Variants in IGF2R observed in about 807,000 individuals in gnomAD.
The protein encoded by IGF2R is cation-independent mannose-6-phosphate receptor.
In IGF2R, 91 loss-of-function variants were observed where a neutral mutation model predicts 270.6. The ratio of observed to expected loss-of-function variants is 0.34; its 90% CI spans 0.28 to 0.40. The LOEUF is 0.40. IGF2R is among the 10% of genes least tolerant of loss of function. IGF2R has a pLI of 1.00. For missense variants in IGF2R, 2,805 were observed against 3,188.3 expected (o/e 0.88, Z 2.90); for synonymous variants, 1,316 against 1,258.9 (o/e 1.05, Z -0.96).
intron 2 of IGF2R, 93 bp from the exon 3 acceptor site, chr6:160,008,917 T>A: frequency 7.6e-7 from 1 of 1,308,470 alleles, no homozygotes; most frequent in Non-Finnish European, 1.1e-6. Flanking sequence ...ATCAGATACA[T>A]TATAATGCTA....
At position 160,006,199 on chromosome 6, in the gene IGF2R, ACGCGCCTCCCCCCT is replaced by A. The variant is rs1250321826; in HGVS notation, c.290-2796_290-2783del. The stretch of plus-strand genomic sequence containing the variant: ...ATGCCCTGTGCGCCTGCTGCGCCCC[ACGCGCCTCCCCCCT>A]CGCGCCTCCCCCCTTCGCGCCTCCC... On this transcript the variant is annotated intron_variant, in intron 2 of 47. Coordinates refer to ENST00000356956, the MANE Select transcript of IGF2R (RefSeq NM_000876.4). 9.1e-5 allele frequency: 9 copies of A among 98,460 alleles called. No individual in the cohort carries two copies. In the South Asian group the frequency reaches 1.4e-3, roughly 16 times the overall value. The allele number at this position is 98,460 out of a possible 1,614,324, so 6.1% of individuals were successfully genotyped here.
At chr6:159,980,128 C>T (rs1295769077) in intron 1 of IGF2R, among the ~76,000 whole-genome samples, 1 of 151,432 alleles carries the variant, frequency 6.6e-6, no homozygotes, top group Non-Finnish European at 1.5e-5. Flanking sequence ...TTGCAGTGAG[C>T]TGAGATCGCA....
chr6:160,059,635 C>A (rs971061641), intron 22 of IGF2R, among the ~76,000 whole-genome samples: 2 of 152,224 alleles, frequency 1.3e-5, no homozygotes, highest in Non-Finnish European at 2.9e-5. Context: ...GCTCAGAGCC[C>A]TCGGAGGCTC....
intron 10 of IGF2R, among the ~76,000 whole-genome samples, chr6:160,035,406 C>T (rs1415944162): frequency 6.6e-6 from 1 of 152,210 alleles, no homozygotes; most frequent in Non-Finnish European, 1.5e-5. Flanking sequence ...GAACCATGCT[C>T]TCGAAGCCTC....
Position 160,102,699 on chromosome 6 carries a change from C to CCTGGTGGGAGGTGATTGGATCATG in IGF2R, c.6995+28_6995+29insCTGGTGGGAGGTGATTGGATCATG. On this transcript the variant is annotated intron_variant, in intron 46 of 47. Transcript: ENST00000356956. This position sits in a 1 kb window ranked among gnomAD's most constrained non-coding sequence, Gnocchi z 4.5. ...AAGCGGGTGGCAGGGCGAGGTGGGGCGGGTGGATGCATGCCTCCCATAGCT... is the reference window on the plus strand; with the variant it reads ...AAGCGGGTGGCAGGGCGAGGTGGGGCCTGGTGGGAGGTGATTGGATCATGGGGTGGATGCATGCCTCCCATAGCT... 6.4e-7 allele frequency: 1 copy of CCTGGTGGGAGGTGATTGGATCATG among 1,561,124 alleles called. No individual in the cohort carries two copies. Among genetic ancestry groups the CCTGGTGGGAGGTGATTGGATCATG allele is most frequent in the Non-Finnish European group, 8.7e-7 (1 of 1,148,080 alleles).
rs1777517490 is a variant in IGF2R, at chr6:160,024,705, G to A, written c.646+1G>A. On this transcript the variant is annotated splice_donor_variant, in intron 5 of 47. Transcript: ENST00000356956. LOFTEE classifies it high-confidence loss of function. ...TTCATCAATGTTTGTAGAGACATAG[G>A]TATGAATCTTTGTGGGGCTGAGGGG... The A allele has an allele frequency of 8.1e-6, 13 of 1,613,870 alleles. No individual in the cohort carries two copies. Among genetic ancestry groups the A allele is most frequent in the African/African-American group, 1.3e-5 (1 of 74,918 alleles).
At chr6:160,051,515 T>C (rs57570593) in intron 19 of IGF2R, among the ~76,000 whole-genome samples, 2 of 152,064 alleles carry the variant, frequency 1.3e-5, no homozygotes, top group African/African-American at 4.8e-5. Flanking sequence ...CTTCTCAGCA[T>C]GTCAAAGCAC....
chr6:159,990,418 G>A (rs931306003), intron 1 of IGF2R, among the ~76,000 whole-genome samples: 2 of 152,056 alleles, frequency 1.3e-5, no homozygotes, highest in African/African-American at 2.4e-5. Context: ...CTTTTGCTCC[G>A]CACTTCTCCT....
At chr6:160,059,821 C>G (rs1296320874) in intron 22 of IGF2R, among the ~76,000 whole-genome samples, 2 of 152,258 alleles carry the variant, frequency 1.3e-5, no homozygotes, top group African/African-American at 4.8e-5. Context: ...TTTGTACTTG[C>G]TCCTCGCTCT....
intron 45 of IGF2R, among the ~76,000 whole-genome samples, chr6:160,097,691 A>G (rs533833620): frequency 3.1e-3 from 478 of 152,342 alleles, no homozygotes; most frequent in Non-Finnish European, 5.4e-3. Context: ...TTGGGGGAAC[A>G]TGAATTCTTG....
intron 29 of IGF2R, among the ~76,000 whole-genome samples, chr6:160,066,976 C>A (rs1175298738): frequency 6.6e-5 from 10 of 152,200 alleles, no homozygotes; most frequent in Admixed American, 6.5e-4. Context: ...TCCCTTGTCA[C>A]ACGTTTGGTT....
intron 1 of IGF2R, among the ~76,000 whole-genome samples, chr6:159,979,278 C>T (rs767397505): frequency 6.6e-6 from 1 of 152,192 alleles, no homozygotes; most frequent in Non-Finnish European, 1.5e-5. Context: ...ACTCCCCCAA[C>T]ACTCCCTGCG....
chr6:159,981,783 G>A (rs997340671), intron 1 of IGF2R, among the ~76,000 whole-genome samples: 2 of 152,132 alleles, frequency 1.3e-5, no homozygotes, highest in African/African-American at 2.4e-5. Context: ...CCTCTGTTAC[G>A]CAGTCCCCAT....
At chr6:160,011,674 C>T (rs1486238189) in intron 4 of IGF2R, among the ~76,000 whole-genome samples, 1 of 147,580 alleles carries the variant, frequency 6.8e-6, no homozygotes, top group Non-Finnish European at 1.5e-5. Flanking sequence ...GCAGGTCATT[C>T]TTGTTGACTA....
rs1403666241 is a variant in IGF2R, at chr6:160,073,338, T to TA, written c.4817dup (p.Tyr1606Ter). ...SPCPSKSGLS[Y>*]KSVISFVCRP... Reference sequence around the variant, plus strand: ...TTGTCCCTCCAAATCCGGCCTGAGCTATAAGAGTGTGATCAGTTTCGTGTG... The same window carrying TA: ...TTGTCCCTCCAAATCCGGCCTGAGCTAATAAGAGTGTGATCAGTTTCGTGTG... Residue 1606 changes from tyrosine (Y) to a stop codon, truncating the protein, a stop_gained and frameshift_variant, in exon 34 of 48, where the codon TAT (tyrosine) becomes TAAT (stop). Coordinates refer to ENST00000356956, the MANE Select transcript of IGF2R (RefSeq NM_000876.4). LOFTEE classifies it high-confidence loss of function. 1 of 1,614,260 alleles carries TA rather than the reference T, an allele frequency of 6.2e-7. No homozygotes were observed. Among genetic ancestry groups the TA allele is most frequent in the Admixed American group, 1.7e-5 (1 of 60,036 alleles).
In IGF2R at chr6:160,034,465, T is replaced by C; in HGVS notation, c.1258T>C (p.Cys420Arg). The C allele has an allele frequency of 1.2e-6, 2 of 1,611,482 alleles. No individual in the cohort carries two copies. Among genetic ancestry groups the C allele is most frequent in the East Asian group, 2.2e-5 (1 of 44,822 alleles). The change falls in exon 10 of 48, where the codon TGC becomes CGC. Residue 420 changes from cysteine to arginine, a missense_variant. Coordinates refer to ENST00000356956, the MANE Select transcript of IGF2R (RefSeq NM_000876.4). ...CTTGATATATTTTGGAGGTGATGAA[T>C]GCAGCTCAGGGTTTCAGCGGATGAG... ...LTLIYFGGDE[C>R]SSGFQRMSVI...
intron 1 of IGF2R, among the ~76,000 whole-genome samples, chr6:159,978,715 A>G (rs578053360): frequency 2.0e-5 from 3 of 151,854 alleles, no homozygotes; most frequent in South Asian, 2.1e-4. Flanking sequence ...TCATAAGCCT[A>G]TTTTTGTCTC....
In IGF2R at chr6:160,060,750, G is replaced by T. The variant is rs370689198; in HGVS notation, c.3262+33G>T. The T allele has an allele frequency of 1.1e-5, 18 of 1,609,000 alleles. No individual in the cohort carries two copies. In the African/African-American group the frequency reaches 2.3e-4, roughly 20 times the overall value. On this transcript the variant is annotated intron_variant, in intron 23 of 47. Coordinates refer to ENST00000356956, the MANE Select transcript of IGF2R (RefSeq NM_000876.4). ...CGTGCGGCCTAAGAACTGAGAGGCC[G>T]GTCAAGAGTCAGTGTGTGTGTGAGT... is the stretch of plus-strand genomic sequence containing the variant.
Position 160,046,534 on chromosome 6 carries a change from A to G in IGF2R, c.1940A>G (p.Asn647Ser), listed in dbSNP as rs763966122. The change falls in exon 15 of 48, where the codon AAT (asparagine) becomes AGT (serine). Residue 647 changes from asparagine to serine, a missense_variant. Asn to Ser is a conservative substitution (Grantham distance 46). Around this residue, in one of 2 missense-constraint regions of IGF2R, gnomAD observed 954 missense variants for 981.1 expected, o/e 0.97. Transcript: ENST00000356956. Reference protein sequence around the residue: ...SFDLSPLTKKNGAYKVETKKY... With the variant: ...SFDLSPLTKKSGAYKVETKKY... Reference sequence around the variant, plus strand: ...GACTTATCACCTCTCACAAAGAAAAATGGTGCCTATAAAGTTGAGACAAAG... The same window carrying G: ...GACTTATCACCTCTCACAAAGAAAAGTGGTGCCTATAAAGTTGAGACAAAG... 6.8e-6 allele frequency: 11 copies of G among 1,613,018 alleles called. No individual in the cohort carries two copies. The highest frequency in any genetic ancestry group is 2.7e-5 in the African/African-American group (2 of 74,850).
Sources: allele counts gnomAD v4.1 joint callset (sites outside exome capture counted in the v4.1 genomes callset), GRCh38; gene constraint gnomAD v4.1.1; regional missense constraint gnomAD v4.1.1; non-coding constraint Gnocchi (gnomAD v3.1); transcripts MANE v1.5; gene names NCBI Gene and HGNC (gene_info 2026-07-23, HGNC 2026-07-21).